The following PUM2 variants were observed in gnomAD, a reference collection of about 807,000 sequenced individuals.
PUM2 encodes pumilio homolog 2.
A neutral mutation model predicts 124.5 loss-of-function variants in PUM2; 57 were observed. The ratio of observed to expected loss-of-function variants is 0.46; its 90% CI spans 0.37 to 0.57. PUM2 has a LOEUF of 0.57. Ranked by LOEUF, PUM2 falls within the 20% of genes least tolerant of loss-of-function variation. The pLI is 0.00. For synonymous variants in PUM2, 460 were observed against 446.1 expected, an observed-to-expected ratio of 1.03 and a Z score of -0.39; for missense variants, 1,065 against 1,290.6, an observed-to-expected ratio of 0.83 and a Z score of 2.68.
chr2:20,340,162 T>G (rs145522797), intron 1 of PUM2, among the ~76,000 whole-genome samples: 83 of 151,870 alleles, frequency 5.5e-4, no homozygotes, highest in African/African-American at 1.7e-3. Flanking sequence ...TGAACTGGTT[T>G]AAAAAAAAAT....
chr2:20,315,543 T>G (rs1291945426), intron 3 of PUM2, among the ~76,000 whole-genome samples: 1 of 151,962 alleles, frequency 6.6e-6, no homozygotes, highest in Admixed American at 6.6e-5. Context: ...GTTATGAGAG[T>G]TGGGAGATGA....
At chr2:20,302,863 G>A (rs1023360294) in intron 7 of PUM2, among the ~76,000 whole-genome samples, 2 of 152,124 alleles carry the variant, frequency 1.3e-5, no homozygotes, top group South Asian at 2.1e-4. Flanking sequence ...GGCTGAAATC[G>A]GTTAAAACCA....
At chr2:20,313,224 T>G (rs1680070714) in intron 3 of PUM2, among the ~76,000 whole-genome samples, 1 of 152,140 alleles carries the variant, frequency 6.6e-6, no homozygotes, top group Non-Finnish European at 1.5e-5. Flanking sequence ...GGGATCTAAT[T>G]AAAGAGCTTC....
intron 7 of PUM2, among the ~76,000 whole-genome samples, chr2:20,298,743 C>T (rs533032140): frequency 3.3e-5 from 5 of 152,166 alleles, no homozygotes; most frequent in African/African-American, 9.6e-5. Context: ...TGGTGGCAAA[C>T]GCTGGTAATC....
At position 20,278,676 on chromosome 2, in the gene PUM2, T is replaced by C. The variant is rs748321527; in HGVS notation, c.1864A>G (p.Ile622Val). The C allele has an allele frequency of 3.1e-6, 5 of 1,613,570 alleles. No individual in the cohort carries two copies. Among genetic ancestry groups the C allele is most frequent in the South Asian group, 1.1e-5 (1 of 91,064 alleles). The change falls in exon 13 of 21, where the codon ATA becomes GTA. Residue 622 changes from isoleucine to valine, a missense_variant. Physicochemically the swap from Ile to Val is conservative, Grantham distance 29 (BLOSUM62 3). Transcript: ENST00000361078. ...GTTTGGCTTGGCAGAGGCATGCCTA[T>C]TGGACTTGGAGAGGAGGAAAATCCC... The part of the protein sequence containing the change: ...SLGFSSSPSP[I>V]GMPLPSQTPG...
At chr2:20,269,714 CA>C (rs985768233) in intron 13 of PUM2, among the ~76,000 whole-genome samples, 1 of 152,050 alleles carries the variant, frequency 6.6e-6, no homozygotes, top group African/African-American at 2.4e-5. Context: ...AATTACAAGC[CA>C]AGTGTTCTAA....
In PUM2 at chr2:20,258,650, C is replaced by CTTTTTTT. The variant is rs1057217780; in HGVS notation, c.2356-286_2356-280dup. On this transcript the variant is annotated intron_variant, in intron 15 of 20. Transcript: ENST00000361078. ...TGAACATCTTTACAAAACCCTTCAT[C>CTTTTTTT]TTTTTTTTTTTTTTTTTTTTTTTTT... is the stretch of plus-strand genomic sequence containing the variant. 3.8e-3 allele frequency among the ~76,000 whole-genome samples: 356 copies of CTTTTTTT among 93,908 alleles called. 2 individuals are homozygous for CTTTTTTT. Among genetic ancestry groups the CTTTTTTT allele is most frequent in the Middle Eastern group, 0.01 (1 of 100 alleles). 61.6% of individuals were successfully genotyped at this position (93,908 alleles called of 152,430 possible). A position where few individuals can be genotyped will look rare whatever the true frequency, so the allele number is the denominator to read the frequency against.
rs977735696 is a variant in PUM2, at chr2:20,327,324, G to A, written c.37C>T (p.Arg13Trp). The A allele has an allele frequency of 1.9e-6, 3 of 1,572,188 alleles. No individual in the cohort carries two copies. Among genetic ancestry groups the A allele is most frequent in the South Asian group, 2.2e-5 (2 of 89,944 alleles). The change falls in exon 2 of 21, where the codon CGG becomes TGG. Residue 13 changes from arginine to tryptophan, a missense_variant. Physicochemically the swap from Arg to Trp is moderately radical, Grantham distance 101. Coordinates refer to ENST00000361078, the MANE Select transcript of PUM2 (RefSeq NM_015317.5). ...HDFQALALESRGMGELLPTKK... is the reference protein window; with the variant it reads ...HDFQALALESWGMGELLPTKK... ...CAAACATTTACCTCTCCCATTCCCC[G>A]AGATTCTAATGCAAGAGCTTGAAAA...
intron 10 of PUM2, among the ~76,000 whole-genome samples, chr2:20,284,347 T>C (rs1484030797): frequency 1.3e-5 from 2 of 152,148 alleles, no homozygotes; most frequent in Non-Finnish European, 2.9e-5. Flanking sequence ...CAGCAAAACA[T>C]GCATTGGCAA....
intron 1 of PUM2, among the ~76,000 whole-genome samples, chr2:20,344,639 G>A (rs1687866558): frequency 6.6e-6 from 1 of 151,950 alleles, no homozygotes; most frequent in Admixed American, 6.6e-5. Flanking sequence ...AATCCCTCTG[G>A]CTGAATGCCA....
intron 3 of PUM2, among the ~76,000 whole-genome samples, chr2:20,314,321 G>C (rs761900153): frequency 1.3e-5 from 2 of 151,338 alleles, no homozygotes; most frequent in South Asian, 2.1e-4. Context: ...TCTATTCTTG[G>C]TTAAAAAAAA....
intron 13 of PUM2, among the ~76,000 whole-genome samples, chr2:20,265,249 CAAAA>C (rs113132877): frequency 1.3e-5 from 1 of 77,634 alleles, no homozygotes. Flanking sequence ...GAAACCGTCA[CAAAA>C]AAAAAAAAAA....
intron 7 of PUM2, 82 bp from the exon 8 acceptor site, chr2:20,297,760 A>T: frequency 1.5e-6 from 2 of 1,358,736 alleles, no homozygotes; most frequent in Non-Finnish European, 2.0e-6. Flanking sequence ...TCTACTCTGA[A>T]TCTGGGGTGG....
intron 2 of PUM2, among the ~76,000 whole-genome samples, chr2:20,325,677 A>G (rs1340551236): frequency 1.3e-5 from 2 of 149,546 alleles, no homozygotes; most frequent in Admixed American, 6.7e-5. Context: ...GCCAGAGAGC[A>G]GTGGTGCAAT....
rs1379238587 is a variant in PUM2 at position 20,278,569 on chromosome 2, G to C, written c.1957+14C>G. 1 of 1,565,712 alleles carries C rather than the reference G, an allele frequency of 6.4e-7. No individual in the cohort carries two copies. The highest frequency in any genetic ancestry group is 1.4e-5 in the African/African-American group (1 of 73,372). ...TATACATACAAATAAAAAGGGTTTT[G>C]GTTTTTTTTTTACCTAAATGCAAAC... On this transcript the variant is annotated intron_variant, in intron 13 of 20. Coordinates refer to ENST00000361078, the MANE Select transcript of PUM2 (RefSeq NM_015317.5).
At chr2:20,256,971 G>T (rs1487883844) in intron 16 of PUM2, among the ~76,000 whole-genome samples, 1 of 148,596 alleles carries the variant, frequency 6.7e-6, no homozygotes, top group Non-Finnish European at 1.5e-5. Flanking sequence ...TTGAACCTGG[G>T]AGGCGGAGGT....
intron 20 of PUM2, among the ~76,000 whole-genome samples, chr2:20,252,193 T>C (rs2148362994): frequency 6.6e-6 from 1 of 152,288 alleles, no homozygotes; most frequent in East Asian, 1.9e-4. Context: ...AAAAGATAGG[T>C]AGACACTTAG....
At chr2:20,344,472 C>T (rs1450047703) in intron 1 of PUM2, among the ~76,000 whole-genome samples, 1 of 152,180 alleles carries the variant, frequency 6.6e-6, no homozygotes, top group African/African-American at 2.4e-5. Context: ...TTGTCTATAT[C>T]TTCCTAAATT....
intron 1 of PUM2, among the ~76,000 whole-genome samples, chr2:20,338,016 G>A (rs986394619): frequency 2.0e-5 from 3 of 152,166 alleles, no homozygotes; most frequent in Non-Finnish European, 4.4e-5. Context: ...TAAAATGGTA[G>A]AGAACATAAT....
Sources: allele counts gnomAD v4.1 joint callset (sites outside exome capture counted in the v4.1 genomes callset), GRCh38; gene constraint gnomAD v4.1.1; transcripts MANE v1.5; gene names NCBI Gene and HGNC (gene_info 2026-07-23, HGNC 2026-07-21).